The following SCN3A variants were observed in gnomAD, a reference collection of about 807,000 sequenced individuals.
SCN3A encodes sodium voltage-gated channel alpha subunit 3, also known as sodium channel protein type 3 subunit alpha.
A neutral mutation model predicts 187.6 loss-of-function variants in SCN3A; 60 were observed. That is an observed-to-expected ratio of 0.32 (90% CI 0.26 to 0.40). SCN3A has a LOEUF of 0.40. Among genes scored for constraint, SCN3A ranks in the 10% least tolerant of loss-of-function variants. SCN3A has a pLI of 1.00. For missense variants in SCN3A, 1,601 were observed against 2,428.2 expected (o/e 0.66, Z 7.16); for synonymous variants, 788 against 829.2 (o/e 0.95, Z 0.85).
chr2:165,125,631 T>C (rs906276280), intron 18 of SCN3A, among the ~76,000 whole-genome samples: 2 of 152,174 alleles, frequency 1.3e-5, no homozygotes, highest in Non-Finnish European at 2.9e-5. Flanking sequence ...TTAAAGTTTT[T>C]AATAGGTCTT....
Position 165,095,512 on chromosome 2 carries a change from T to A in SCN3A, c.4430A>T (p.Lys1477Met), listed in dbSNP as rs1163850236. The change falls in exon 25 of 28, where the codon AAG (lysine) becomes ATG (methionine). Residue 1477 changes from lysine (K) to methionine (M), a missense_variant and splice_region_variant. Physicochemically the swap from Lys to Met is moderately conservative, Grantham distance 95. This residue lies in a region of SCN3A where 320 missense variants were observed against 623.2 expected (regional missense o/e 0.51). Transcript: ENST00000283254. ...AGGTAAAAGCTAAAGAATACTTATCTTCTTTTTCTGCTGGTTGAAGTTATC... is the reference window on the plus strand; with the variant it reads ...AGGTAAAAGCTAAAGAATACTTATCATCTTTTTCTGCTGGTTGAAGTTATC... Reference protein sequence around the residue: ...IIDNFNQQKKKFGGQDIFMTE... With the variant: ...IIDNFNQQKKMFGGQDIFMTE... 1 of 1,612,560 alleles carries A rather than the reference T, an allele frequency of 6.2e-7. No individual in the cohort carries two copies. The highest frequency in any genetic ancestry group is 2.2e-5 in the East Asian group (1 of 44,780).
rs577194100 is a variant in SCN3A at position 165,159,290 on chromosome 2, A to C, written c.1031+3018T>G. On this transcript the variant is annotated intron_variant, in intron 9 of 27. Coordinates refer to ENST00000283254, the MANE Select transcript of SCN3A (RefSeq NM_006922.4). Reference sequence around the variant, plus strand: ...TCTTTTGCCAGTTTTAAATTGGGTCATTTGTTTTCTTATTGTTGAGTTTTA... The same window carrying C: ...TCTTTTGCCAGTTTTAAATTGGGTCCTTTGTTTTCTTATTGTTGAGTTTTA... Among the ~76,000 whole-genome samples the C allele has an allele frequency of 3.6e-5, 5 of 137,312 alleles. 1 individual carries two copies. Among genetic ancestry groups the C allele is most frequent in the South Asian group, 4.5e-4 (2 of 4,438 alleles). The allele number at this position is 137,312 out of a possible 152,430, so 90.1% of individuals were successfully genotyped here.
At chr2:165,147,944 A>C (rs1420567199) in intron 11 of SCN3A, among the ~76,000 whole-genome samples, 3 of 152,202 alleles carry the variant, frequency 2.0e-5, no homozygotes, top group Admixed American at 2.0e-4. Flanking sequence ...TAAGTATATT[A>C]CTATTTGTAA....
intron 18 of SCN3A, among the ~76,000 whole-genome samples, chr2:165,126,032 C>G (rs767507065): frequency 1.2e-4 from 18 of 152,120 alleles, no homozygotes; most frequent in Non-Finnish European, 2.6e-4. Flanking sequence ...AGTCAGGAAG[C>G]TATGAGTTGT....
chr2:165,127,502 A>G lies in SCN3A; in HGVS notation c.3393+129T>C, dbSNP rs557938561. ...ATAAAGAGTATCTTGTGATTTTCCA[A>G]CATCACTATAGACATATGACTTTCA... On this transcript the variant is annotated intron_variant, in intron 18 of 27. Coordinates refer to ENST00000283254, the MANE Select transcript of SCN3A (RefSeq NM_006922.4). 9.5e-6 allele frequency: 7 copies of G among 738,866 alleles called. No homozygotes were observed. In the African/African-American group the frequency reaches 1.2e-4, roughly 13 times the overall value. The allele number at this position is 738,866 out of a possible 1,614,324, so 45.8% of individuals were successfully genotyped here.
chr2:165,122,230 C>CTTTTTT (rs776949572), intron 18 of SCN3A, among the ~76,000 whole-genome samples: 35 of 113,930 alleles, frequency 3.1e-4, no homozygotes, highest in South Asian at 6.0e-4. Flanking sequence ...TTCTTTCTTT[C>CTTTTTT]TTTTTTTTCT....
At chr2:165,138,713 T>C (rs1049941162) in intron 14 of SCN3A, among the ~76,000 whole-genome samples, 2 of 152,176 alleles carry the variant, frequency 1.3e-5, no homozygotes, top group African/African-American at 2.4e-5. Flanking sequence ...TTTTAATGGA[T>C]GAGGCCTGTT....
intron 2 of SCN3A, among the ~76,000 whole-genome samples, chr2:165,185,082 A>G (rs2105949884): frequency 6.6e-6 from 1 of 151,852 alleles, no homozygotes; most frequent in African/African-American, 2.4e-5. Flanking sequence ...AAAGCTTAGT[A>G]AAAAAAGCAT....
chr2:165,198,820 G>A (rs1236875040), intron 1 of SCN3A, among the ~76,000 whole-genome samples: 1 of 151,944 alleles, frequency 6.6e-6, no homozygotes, highest in Non-Finnish European at 1.5e-5. Flanking sequence ...TTGGGAACAT[G>A]TTTAGTTAGG....
At chr2:165,095,794 C>T (rs1685338438) in intron 24 of SCN3A, 146 bp from the exon 25 acceptor site, 1 of 502,814 alleles carries the variant, frequency 2.0e-6, no homozygotes, top group East Asian at 3.1e-5. Flanking sequence ...TTTTTTAAAA[C>T]TAGTATGATC....
chr2:165,094,311 T>C (rs1322038393), intron 26 of SCN3A, 63 bp downstream of exon 26: 6 of 1,126,760 alleles, frequency 5.3e-6, no homozygotes, highest in East Asian at 2.3e-5. Flanking sequence ...CTCCAGAGCA[T>C]TGCTCAATTT....
intron 24 of SCN3A, 101 bp downstream of exon 24, chr2:165,096,366 A>G: frequency 1.2e-6 from 1 of 867,234 alleles, no homozygotes. Flanking sequence ...GCAATATTAA[A>G]TGTTCTAATA....
chr2:165,127,978 C>T lies in SCN3A; in HGVS notation c.3046G>A (p.Asp1016Asn). 6.2e-7 allele frequency: 1 copy of T among 1,614,042 alleles called. No individual in the cohort carries two copies. The highest frequency in any genetic ancestry group is 1.1e-5 in the South Asian group (1 of 91,068). ...TCCCGCATCTTATTTTTCACATAATCAATTCCCTTTTGCATTCTTCCTACT... is the reference window on the plus strand; with the variant it reads ...TCCCGCATCTTATTTTTCACATAATTAATTCCCTTTTGCATTCTTCCTACT... ...IAVGRMQKGI[D>N]YVKNKMRECF... The change falls in exon 18 of 28, where the codon GAT (aspartate) becomes AAT (asparagine). Residue 1016 changes from aspartate (D) to asparagine (N), a missense_variant. Physicochemically the swap from Asp to Asn is conservative, Grantham distance 23. Around this residue, in one of 11 missense-constraint regions of SCN3A, gnomAD observed 267 missense variants for 313.2 expected, o/e 0.85. Transcript: ENST00000283254.
chr2:165,179,891 T>C (rs1429481043), intron 2 of SCN3A, among the ~76,000 whole-genome samples: 2 of 152,170 alleles, frequency 1.3e-5, no homozygotes, highest in Non-Finnish European at 2.9e-5. Flanking sequence ...CATAATTTTA[T>C]ATTCACATTA....
chr2:165,171,214 A>G lies in SCN3A; in HGVS notation c.265-666T>C, dbSNP rs1022901605. ...AAGTGATTATTTACCATGTTCCTAT[A>G]GAATCATCTTTTATTTTTTTCCCAC... On this transcript the variant is annotated intron_variant, in intron 3 of 27. Coordinates refer to ENST00000283254, the MANE Select transcript of SCN3A (RefSeq NM_006922.4). 3.9e-5 allele frequency among the ~76,000 whole-genome samples: 6 copies of G among 151,974 alleles called. No homozygotes were observed. In the South Asian group the frequency reaches 1.0e-3, roughly 26 times the overall value.
At chr2:165,105,693 A>G (rs1441562586) in intron 21 of SCN3A, among the ~76,000 whole-genome samples, 12 of 152,044 alleles carry the variant, frequency 7.9e-5, no homozygotes, top group Non-Finnish European at 1.8e-4. Context: ...TCTCTATGCA[A>G]TCTCAGTCAG....
At chr2:165,144,842 A>G (rs961325204) in intron 12 of SCN3A, among the ~76,000 whole-genome samples, 2 of 152,146 alleles carry the variant, frequency 1.3e-5, no homozygotes, top group Non-Finnish European at 2.9e-5. Flanking sequence ...AGCATCTTGA[A>G]CTATGCTTGC....
Position 165,180,924 on chromosome 2 carries a change from C to T in SCN3A, c.-50-4480G>A, listed in dbSNP as rs927676909. On this transcript the variant is annotated intron_variant, in intron 2 of 27. Coordinates refer to ENST00000283254, the MANE Select transcript of SCN3A (RefSeq NM_006922.4). Reference sequence around the variant, plus strand: ...ATGAACCCAAAGAACTTTTGTTTATCGGGGGACTTAGCTATCCATACTTAC... The same window carrying T: ...ATGAACCCAAAGAACTTTTGTTTATTGGGGGACTTAGCTATCCATACTTAC... 5.3e-5 allele frequency among the ~76,000 whole-genome samples: 8 copies of T among 151,822 alleles called. 1 individual carries two copies. Among genetic ancestry groups the T allele is most frequent in the Non-Finnish European group, 1.0e-4 (7 of 67,960 alleles).
At chr2:165,158,107 G>C (rs997514307) in intron 9 of SCN3A, among the ~76,000 whole-genome samples, 2 of 152,140 alleles carry the variant, frequency 1.3e-5, no homozygotes, top group Admixed American at 1.3e-4. Context: ...GGGTGTCATT[G>C]CTTCTAGGCC....
Sources: allele counts gnomAD v4.1 joint callset (sites outside exome capture counted in the v4.1 genomes callset), GRCh38; gene constraint gnomAD v4.1.1; regional missense constraint gnomAD v4.1.1; transcripts MANE v1.5; gene names NCBI Gene and HGNC (gene_info 2026-07-23, HGNC 2026-07-21).